ANXA7: variants seen among roughly 807,000 people sequenced by gnomAD.
ANXA7 encodes the protein annexin VII.
Under a neutral mutation model 64.9 loss-of-function variants are expected in ANXA7, and 55 were observed. The observed-to-expected ratio is 0.85, with a 90% CI of 0.68 to 1.06. The LOEUF (loss-of-function observed/expected upper bound fraction) is 1.06. Among genes scored for constraint, ANXA7 ranks in the 50% least tolerant of loss-of-function variants. The probability of loss-of-function intolerance (pLI) is 0.00; values close to 1 mark genes in which losing one functional copy is unlikely to be tolerated. For synonymous variants in ANXA7, 200 were observed against 192.4 expected (o/e 1.04, Z -0.33); for missense variants, 548 against 582.1 (o/e 0.94, Z 0.60).
intron 5 of ANXA7, among the ~76,000 whole-genome samples, chr10:73,390,721 A>ATATATATAT (rs1564526498): frequency 1.2e-4 from 13 of 107,726 alleles, no homozygotes; most frequent in African/African-American, 5.3e-4. Flanking sequence ...TATATATATA[A>ATATATATAT]AAATATATAT....
At chr10:73,411,684 G>A (rs1037417815) in intron 1 of ANXA7, among the ~76,000 whole-genome samples, 36 of 152,042 alleles carry the variant, frequency 2.4e-4, no homozygotes, top group African/African-American at 7.5e-4. Context: ...CACCCACCTC[G>A]GCCTCCCAAA....
chr10:73,386,214 T>TAAAAAAAAAAAAAAAAAAAAA (rs377002771), intron 7 of ANXA7, among the ~76,000 whole-genome samples: 1 of 83,396 alleles, frequency 1.2e-5, no homozygotes, highest in African/African-American at 4.0e-5. Flanking sequence ...CAAAAAAAAG[T>TAAAAAAAAAAAAAAAAAAAAA]AAAAAAAAAA....
rs1254667128 is a variant in ANXA7 at position 73,376,008 on chromosome 10, T to C, written c.*87A>G. The C allele has an allele frequency of 1.8e-6, 2 of 1,139,330 alleles. No individual in the cohort carries two copies. The highest frequency in any genetic ancestry group is 2.4e-6 in the Non-Finnish European group (2 of 838,566). 70.6% of individuals were successfully genotyped at this position (1,139,330 alleles called of 1,614,324 possible). On this transcript the variant is annotated 3_prime_UTR_variant, in exon 13 of 13. Coordinates refer to ENST00000372921, the MANE Select transcript of ANXA7 (RefSeq NM_001156.5). ...ACAGAAAGCTCTTTCGGTTAGCTGA[T>C]GTTTGATATTGCTGCATGCAGGTCA...
intron 1 of ANXA7, among the ~76,000 whole-genome samples, chr10:73,410,203 A>C (rs1447287766): frequency 1.3e-5 from 2 of 152,180 alleles, no homozygotes; most frequent in African/African-American, 4.8e-5. Context: ...ACAAATAATC[A>C]ACAGAGTAAA....
At position 73,376,054 on chromosome 10, in the gene ANXA7, T is replaced by C; in HGVS notation, c.*41A>G. 1.3e-6 allele frequency: 2 copies of C among 1,490,260 alleles called. No homozygotes were observed. The highest frequency in any genetic ancestry group is 1.4e-5 in the African/African-American group (1 of 69,686). 92.3% of individuals were successfully genotyped at this position (1,490,260 alleles called of 1,614,324 possible). A position where few individuals can be genotyped will look rare whatever the true frequency, so the allele number is the denominator to read the frequency against. ...GGTCATTGCTCTGAAGGATAAGCTA[T>C]GAATAGAAATTTTTTTTCATTAAAA... On this transcript the variant is annotated 3_prime_UTR_variant, in exon 13 of 13. Transcript: ENST00000372921.
intron 1 of ANXA7, among the ~76,000 whole-genome samples, chr10:73,402,149 G>A (rs1236165357): frequency 1.3e-5 from 2 of 152,054 alleles, no homozygotes; most frequent in Non-Finnish European, 2.9e-5. Flanking sequence ...TTAACATTCT[G>A]GAGTCACATA....
At chr10:73,394,132 A>ACT (rs2055531439) in intron 5 of ANXA7, among the ~76,000 whole-genome samples, 1 of 152,262 alleles carries the variant, frequency 6.6e-6, no homozygotes, top group African/African-American at 2.4e-5. Context: ...ACTGGCCATC[A>ACT]GAGAAATGCA....
chr10:73,401,872 T>C (rs1200961856), intron 1 of ANXA7, among the ~76,000 whole-genome samples: 1 of 152,154 alleles, frequency 6.6e-6, no homozygotes, highest in African/African-American at 2.4e-5. Context: ...CTTCCCAGCC[T>C]CCAGAACCAC....
At chr10:73,408,307 A>G (rs976623568) in intron 1 of ANXA7, 5 of 152,084 alleles carry the variant, frequency 3.3e-5, no homozygotes, top group African/African-American at 1.2e-4. Flanking sequence ...AGAAAAGACA[A>G]GACAAGACAA....
At position 73,375,942 on chromosome 10, in the gene ANXA7, AAC is replaced by A; in HGVS notation, c.*151_*152del. 1 of 519,818 alleles carries A rather than the reference AAC, an allele frequency of 1.9e-6. No homozygotes were observed. The highest frequency in any genetic ancestry group is 3.2e-6 in the Non-Finnish European group (1 of 314,784). The allele number at this position is 519,818 out of a possible 1,614,324, so 32.2% of individuals were successfully genotyped here. A position where few individuals can be genotyped will look rare whatever the true frequency, so the allele number is the denominator to read the frequency against. ...ATAAAATTAGAATTAAGGCAATAAC[AAC>A]ATGTGCAAACCAAGCACATTACCCT... On this transcript the variant is annotated 3_prime_UTR_variant, in exon 13 of 13. Transcript: ENST00000372921.
intron 12 of ANXA7, among the ~76,000 whole-genome samples, chr10:73,377,904 CGTGTGTGTGTGT>C (rs141696096): frequency 3.4e-5 from 4 of 119,374 alleles, no homozygotes; most frequent in East Asian, 3.4e-4. Context: ...CACGCCCCGG[CGTGTGTGTGTGT>C]GTGTGTGTGT....
intron 5 of ANXA7, among the ~76,000 whole-genome samples, chr10:73,392,068 A>C (rs2055493639): frequency 6.6e-6 from 1 of 152,246 alleles, no homozygotes; most frequent in Non-Finnish European, 1.5e-5. Context: ...AATAGGATGA[A>C]CACCTCTATG....
intron 11 of ANXA7, among the ~76,000 whole-genome samples, chr10:73,379,458 A>T (rs1249150672): frequency 1.3e-5 from 2 of 152,250 alleles, no homozygotes; most frequent in Non-Finnish European, 2.9e-5. Flanking sequence ...TTCAAAAAGG[A>T]AATGAGTCTC....
intron 5 of ANXA7, among the ~76,000 whole-genome samples, chr10:73,389,927 C>T (rs1564525995): frequency 6.6e-6 from 1 of 152,118 alleles, no homozygotes; most frequent in Non-Finnish European, 1.5e-5. Flanking sequence ...CAGAATAATT[C>T]AAGAAGTTTC....
chr10:73,409,736 G>A (rs1291670706), intron 1 of ANXA7, among the ~76,000 whole-genome samples: 1 of 152,122 alleles, frequency 6.6e-6, no homozygotes, highest in Non-Finnish European at 1.5e-5. Context: ...AGACAAATCT[G>A]GAGACATCAC....
intron 5 of ANXA7, among the ~76,000 whole-genome samples, chr10:73,392,242 C>A (rs550489007): frequency 6.6e-6 from 1 of 152,114 alleles, no homozygotes; most frequent in Non-Finnish European, 1.5e-5. Flanking sequence ...CAGGACCAGA[C>A]AGATTCACAG....
At chr10:73,412,981 G>GA (rs1251295403) in intron 1 of ANXA7, among the ~76,000 whole-genome samples, 1 of 152,064 alleles carries the variant, frequency 6.6e-6, no homozygotes, top group Non-Finnish European at 1.5e-5. Context: ...ATTTATGGGG[G>GA]AAAAAATACA....
chr10:73,396,185 C>T, intron 5 of ANXA7: 1 of 954,146 alleles, frequency 1.0e-6, no homozygotes, highest in Non-Finnish European at 1.6e-6. Context: ...GTCAGAAATA[C>T]CAATCACCCA....
At chr10:73,406,240 G>C (rs899900611) in intron 1 of ANXA7, among the ~76,000 whole-genome samples, 12 of 152,222 alleles carry the variant, frequency 7.9e-5, no homozygotes, top group African/African-American at 2.7e-4. Flanking sequence ...GCAGGCATGA[G>C]CCACTGCGCC....
Sources: gnomAD v4.1 joint callset for allele counts (sites outside exome capture counted in the v4.1 genomes callset) on GRCh38, gnomAD v4.1.1 for gene constraint, MANE v1.5 for transcripts, NCBI Gene and HGNC (gene_info 2026-07-23, HGNC 2026-07-21) for gene names.